The following RAB3GAP1 variants were observed in gnomAD, a reference collection of about 807,000 sequenced individuals.
RAB3GAP1 encodes the protein rab3 GTPase-activating protein catalytic subunit.
Under a neutral mutation model 130.7 loss-of-function variants are expected in RAB3GAP1, and 86 were observed. The ratio of observed to expected loss-of-function variants is 0.66; its 90% confidence interval spans 0.55 to 0.79. The LOEUF (loss-of-function observed/expected upper bound fraction) is 0.79, where lower values mean the gene tolerates loss of function less well. Among genes scored for constraint, RAB3GAP1 ranks in the 30% least tolerant of loss-of-function variants. The pLI is 0.00. For synonymous variants in RAB3GAP1, 367 were observed against 401.7 expected (o/e 0.91, Z 1.03); for missense variants, 1,029 against 1,169.4 (o/e 0.88, Z 1.75).
chr2:135,150,220 C>T (rs572379649), intron 17 of RAB3GAP1, 149 bp from the exon 18 acceptor site: 6 of 905,074 alleles, frequency 6.6e-6, no homozygotes, highest in East Asian at 5.3e-5. Context: ...TATGTAAGTT[C>T]TAAAAAACTT....
At chr2:135,113,803 A>G (rs930012921) in intron 6 of RAB3GAP1, among the ~76,000 whole-genome samples, 1 of 151,768 alleles carries the variant, frequency 6.6e-6, no homozygotes, top group Admixed American at 6.6e-5. Context: ...GCAGTGGCAC[A>G]GTCTGGGCTC....
At chr2:135,162,937 T>C (rs1220502671) in intron 21 of RAB3GAP1, 49 bp from the exon 22 acceptor site, 2 of 1,578,164 alleles carry the variant, frequency 1.3e-6, no homozygotes, top group Non-Finnish European at 1.7e-6. Context: ...CAAAGGGCTT[T>C]GCTTTTTTGC....
At chr2:135,112,018 A>T (rs2104910803) in intron 5 of RAB3GAP1, among the ~76,000 whole-genome samples, 1 of 152,346 alleles carries the variant, frequency 6.6e-6, no homozygotes, top group African/African-American at 2.4e-5. Context: ...CCTTGCCTAA[A>T]GGAGGCATCC....
Position 135,109,342 on chromosome 2 carries a change from T to C in RAB3GAP1, c.363-3809T>C, listed in dbSNP as rs551514179. Reference sequence around the variant, plus strand: ...TCTTTATTATGTGTGTGTGTGGTGGTATTGGTGGTGGTAACCATAATTATT... The same window carrying C: ...TCTTTATTATGTGTGTGTGTGGTGGCATTGGTGGTGGTAACCATAATTATT... On this transcript the variant is annotated intron_variant, in intron 5 of 23. Transcript: ENST00000264158. Among the ~76,000 whole-genome samples the C allele has an allele frequency of 6.8e-4, 103 of 152,196 alleles. 1 individual carries two copies. Among genetic ancestry groups the C allele is most frequent in the Admixed American group, 2.4e-3 (37 of 15,290 alleles).
chr2:135,072,190 C>T (rs1689494444), intron 3 of RAB3GAP1, among the ~76,000 whole-genome samples: 1 of 152,184 alleles, frequency 6.6e-6, no homozygotes, highest in South Asian at 2.1e-4. Context: ...GGATTATAGG[C>T]ATGAGCCACA....
chr2:135,075,862 C>G (rs1689618320), intron 3 of RAB3GAP1, among the ~76,000 whole-genome samples: 1 of 150,220 alleles, frequency 6.7e-6, no homozygotes, highest in African/African-American at 2.4e-5. Flanking sequence ...CACCAATCTC[C>G]TTGTGAATAG....
chr2:135,107,636 C>G (rs1259667225), intron 5 of RAB3GAP1, among the ~76,000 whole-genome samples: 1 of 151,942 alleles, frequency 6.6e-6, no homozygotes, highest in African/African-American at 2.4e-5. Context: ...TAAAGAGGTC[C>G]TTAATCTATT....
At chr2:135,149,099 C>T (rs1692090770) in intron 17 of RAB3GAP1, among the ~76,000 whole-genome samples, 1 of 152,138 alleles carries the variant, frequency 6.6e-6, no homozygotes, top group Non-Finnish European at 1.5e-5. Context: ...TTATAAGTGG[C>T]TCAAATTTCC....
At chr2:135,112,223 G>A (rs1252073901) in intron 5 of RAB3GAP1, among the ~76,000 whole-genome samples, 4 of 152,160 alleles carry the variant, frequency 2.6e-5, no homozygotes, top group African/African-American at 4.8e-5. Context: ...ACCTACAGCC[G>A]ATACTGCCTT....
At chr2:135,126,700 C>T in intron 11 of RAB3GAP1, 44 bp downstream of exon 11, 2 of 1,489,666 alleles carry the variant, frequency 1.3e-6, no homozygotes, top group Non-Finnish European at 1.9e-6. Flanking sequence ...GCTGATCTGC[C>T]TAACTTCCAA....
chr2:135,067,272 T>C (rs920669852), intron 3 of RAB3GAP1, among the ~76,000 whole-genome samples: 1 of 152,222 alleles, frequency 6.6e-6, no homozygotes, highest in Non-Finnish European at 1.5e-5. Flanking sequence ...CAGTCACTGA[T>C]GGGAATGCAG....
At chr2:135,093,814 T>C (rs1431781306) in intron 5 of RAB3GAP1, 121 bp downstream of exon 5, 12 of 846,326 alleles carry the variant, frequency 1.4e-5, no homozygotes, top group Non-Finnish European at 2.2e-5. Flanking sequence ...TTGCAGCTGA[T>C]TTATTGCAGA....
chr2:135,111,626 G>A (rs1690803031), intron 5 of RAB3GAP1, among the ~76,000 whole-genome samples: 2 of 152,324 alleles, frequency 1.3e-5, no homozygotes, highest in African/African-American at 4.8e-5. Flanking sequence ...TAGGGAATCT[G>A]TCAAAGTTTC....
At chr2:135,133,829 A>G (rs766805513) in intron 14 of RAB3GAP1, 32 bp from the exon 15 acceptor site, 5 of 1,597,382 alleles carry the variant, frequency 3.1e-6, no homozygotes, top group Non-Finnish European at 3.4e-6. Context: ...TTTGGTAACA[A>G]GTTTGCTTTG....
chr2:135,115,181 C>A lies in RAB3GAP1; in HGVS notation c.483-35C>A, dbSNP rs1000183436. ...AGGTTCAGGTTTAATGTTTAATGAGCTTGTATTCCATTCCTATTTAATCAT... is the reference window on the plus strand; with the variant it reads ...AGGTTCAGGTTTAATGTTTAATGAGATTGTATTCCATTCCTATTTAATCAT... On this transcript the variant is annotated intron_variant, in intron 6 of 23. Coordinates refer to ENST00000264158, the MANE Select transcript of RAB3GAP1 (RefSeq NM_012233.3). 3.2e-6 allele frequency: 5 copies of A among 1,574,986 alleles called. No individual in the cohort carries two copies. The African/African-American group carries it at 5.4e-5, about 17-fold the overall frequency.
intron 3 of RAB3GAP1, 144 bp from the exon 4 acceptor site, chr2:135,090,854 G>T: frequency 3.1e-6 from 2 of 637,428 alleles, no homozygotes; most frequent in Non-Finnish European, 5.3e-6. Flanking sequence ...ATTTTCTCTT[G>T]GTTGCATTCA....
chr2:135,094,078 C>A (rs1574102865), intron 5 of RAB3GAP1, among the ~76,000 whole-genome samples: 1 of 152,084 alleles, frequency 6.6e-6, no homozygotes, highest in Non-Finnish European at 1.5e-5. Context: ...ATTTCAGGCT[C>A]CCAGAAGGAA....
At chr2:135,117,621 G>GCTTCTT (rs1558784525) in intron 7 of RAB3GAP1, among the ~76,000 whole-genome samples, 2 of 15,878 alleles carry the variant, frequency 1.3e-4, no homozygotes, top group Non-Finnish European at 3.0e-4. Context: ...TTCTGCTTCT[G>GCTTCTT]CTTCTTCTGC....
downstream of RAB3GAP1, among the ~76,000 whole-genome samples, chr2:135,173,595 G>A (rs755804419): frequency 9.2e-5 from 14 of 152,300 alleles, no homozygotes; most frequent in African/African-American, 1.4e-4. Flanking sequence ...GGGCTGCCTC[G>A]AGGGCAGTCT....
Sources: allele counts gnomAD v4.1 joint callset (sites outside exome capture counted in the v4.1 genomes callset), GRCh38; gene constraint gnomAD v4.1.1; transcripts MANE v1.5; gene names NCBI Gene and HGNC (gene_info 2026-07-23, HGNC 2026-07-21).